MAP2K3: variants seen among roughly 807,000 people sequenced by gnomAD.
MAP2K3 encodes the protein dual specificity mitogen-activated protein kinase kinase 3.
In MAP2K3, 30 loss-of-function variants were observed where a neutral mutation model predicts 46.4. That is an observed-to-expected ratio of 0.65 (90% CI 0.48 to 0.88). MAP2K3 has a LOEUF of 0.88. Among genes scored for constraint, MAP2K3 ranks in the 40% least tolerant of loss-of-function variants. The probability of loss-of-function intolerance (pLI) is 0.00; values close to 1 mark genes in which losing one functional copy is unlikely to be tolerated. For missense variants in MAP2K3, 380 were observed against 464.5 expected, an observed-to-expected ratio of 0.82 and a Z score of 1.67; for synonymous variants, 189 against 176.3, an observed-to-expected ratio of 1.07 and a Z score of -0.57.
At chr17:21,292,138 G>T (rs1258341554) in intron 1 of MAP2K3, among the ~76,000 whole-genome samples, 2 of 152,312 alleles carry the variant, frequency 1.3e-5, no homozygotes, top group African/African-American at 2.4e-5. Flanking sequence ...AGTCTCTGGG[G>T]CACCCTCCAG....
In MAP2K3 at chr17:21,302,200, A is replaced by G. The variant is rs1390715738; in HGVS notation, c.457A>G (p.Lys153Glu). 6.3e-7 allele frequency: 1 copy of G among 1,594,846 alleles called. No homozygotes were observed. The highest frequency in any genetic ancestry group is 1.1e-5 in the South Asian group (1 of 90,862). ...MDTSLDKFYR[K>E]VLDKNMTIPE... ...CACATCCTTGGACAAGTTCTACCGG[A>G]AGGTGCTGGATAAAAACATGACAAT... is the stretch of plus-strand genomic sequence containing the variant. Residue 153 changes from lysine (K) to glutamate (E), a missense_variant, in exon 6 of 12, where the codon AAG (lysine) becomes GAG (glutamate). Coordinates refer to ENST00000342679, the MANE Select transcript of MAP2K3 (RefSeq NM_145109.3).
chr17:21,296,493 C>T (rs370790827), intron 1 of MAP2K3, among the ~76,000 whole-genome samples: 708 of 152,112 alleles, frequency 4.7e-3, no homozygotes, highest in African/African-American at 0.016. Context: ...CCCCTCCTTC[C>T]GCCTCAGGGA....
intron 5 of MAP2K3, 70 bp downstream of exon 5, chr17:21,301,063 C>T (rs1976572342): frequency 6.2e-7 from 1 of 1,611,504 alleles, no homozygotes; most frequent in Non-Finnish European, 8.5e-7. Flanking sequence ...CCCACTGTCA[C>T]TCAGTCCCTC....
intron 1 of MAP2K3, chr17:21,296,269 G>C (rs1976244633): frequency 1.8e-6 from 2 of 1,093,616 alleles, no homozygotes; most frequent in Non-Finnish European, 2.5e-6. Context: ...GTGCAGAGGA[G>C]GGCACCATGC....
Position 21,302,164 on chromosome 17 carries a change from G to A in MAP2K3, c.421G>A (p.Glu141Lys), listed in dbSNP as rs1260172726. Residue 141 changes from glutamate (E) to lysine (K), a missense_variant, in exon 6 of 12, where the codon GAG becomes AAG. Transcript: ENST00000342679. ...FREGDVWICM[E>K]LMDTSLDKFY... ...ACAGGGAGACGTGTGGATCTGCATG[G>A]AGCTCATGGACACATCCTTGGACAA... 8.1e-6 allele frequency: 13 copies of A among 1,614,152 alleles called. No individual in the cohort carries two copies. The highest frequency in any genetic ancestry group is 1.7e-5 in the Admixed American group (1 of 60,016).
In MAP2K3 at chr17:21,291,136, C is replaced by T. The variant is rs531344575; in HGVS notation, c.49+6167C>T. Among the ~76,000 whole-genome samples, 14 of 152,402 alleles carry T rather than the reference C, an allele frequency of 9.2e-5. No homozygotes were observed. In the South Asian group the frequency reaches 1.7e-3, roughly 18 times the overall value. On this transcript the variant is annotated intron_variant, in intron 1 of 11. Transcript: ENST00000342679. Reference sequence around the variant, plus strand: ...GCAGGTGTCTGTAGTCCCAGCTACTCGGGAGGCTGAGGCAGGAGAATGGCA... The same window carrying T: ...GCAGGTGTCTGTAGTCCCAGCTACTTGGGAGGCTGAGGCAGGAGAATGGCA...
chr17:21,296,819 C>T (rs867213693), intron 1 of MAP2K3, among the ~76,000 whole-genome samples: 15 of 152,296 alleles, frequency 9.8e-5, no homozygotes, highest in Admixed American at 8.5e-4. Flanking sequence ...GAGATAAAAA[C>T]GCTGCGCACA....
intron 1 of MAP2K3, 88 bp downstream of exon 1, chr17:21,285,057 CATCCT>C: frequency 6.6e-7 from 1 of 1,508,604 alleles, no homozygotes; most frequent in Non-Finnish European, 9.0e-7. Context: ...GGTCCCACCC[CATCCT>C]GTTCTCGACC....
At chr17:21,287,540 T>C (rs1975755007) in intron 1 of MAP2K3, among the ~76,000 whole-genome samples, 2 of 152,204 alleles carry the variant, frequency 1.3e-5, no homozygotes, top group Admixed American at 6.5e-5. Flanking sequence ...CTGCACTGTT[T>C]CCATGCCATG....
intron 1 of MAP2K3, among the ~76,000 whole-genome samples, chr17:21,288,764 G>A (rs1013943360): frequency 6.6e-6 from 1 of 152,232 alleles, no homozygotes; most frequent in Non-Finnish European, 1.5e-5. Context: ...TCAGGCACAA[G>A]TCATAGTGAG....
In MAP2K3 at chr17:21,314,353, G is replaced by A. The variant is rs554542643; in HGVS notation, c.*123G>A. On this transcript the variant is annotated 3_prime_UTR_variant, in exon 12 of 12. Coordinates refer to ENST00000342679, the MANE Select transcript of MAP2K3 (RefSeq NM_145109.3). ...CCAGGGCATCTGGGAGGAACCGAGG[G>A]GGCTGCTCCCACCTGGCTCTGTGGC... 7.1e-5 allele frequency: 63 copies of A among 881,282 alleles called. No individual in the cohort carries two copies. The African/African-American group carries it at 9.7e-4, about 14-fold the overall frequency. 54.6% of individuals were successfully genotyped at this position (881,282 alleles called of 1,614,324 possible).
chr17:21,302,899 G>A (rs1277818867), intron 6 of MAP2K3, among the ~76,000 whole-genome samples: 3 of 152,310 alleles, frequency 2.0e-5, no homozygotes, highest in Non-Finnish European at 4.4e-5. Context: ...CCAAGAGCTG[G>A]GTTTTACCCA....
chr17:21,296,344 G>C (rs1369800902), intron 1 of MAP2K3: 4 of 487,018 alleles, frequency 8.2e-6, no homozygotes, highest in African/African-American at 6.5e-5. Flanking sequence ...CAGAAGTTCA[G>C]AGACTTTGGC....
chr17:21,296,069 T>G, intron 1 of MAP2K3: 1 of 1,289,098 alleles, frequency 7.8e-7, no homozygotes, highest in Non-Finnish European at 1.0e-6. Flanking sequence ...GGGCAGTTTT[T>G]TTTTTCACCT....
In MAP2K3 at chr17:21,295,800, G is replaced by C. The variant is rs752811425; in HGVS notation, c.50-2613G>C. Reference sequence around the variant, plus strand: ...GAAACTGAGGCTTGGTGAAGGGGGGGCCACATGATACAACATTCCCAAATC... The same window carrying C: ...GAAACTGAGGCTTGGTGAAGGGGGGCCCACATGATACAACATTCCCAAATC... On this transcript the variant is annotated intron_variant, in intron 1 of 11. Coordinates refer to ENST00000342679, the MANE Select transcript of MAP2K3 (RefSeq NM_145109.3). The C allele has an allele frequency of 3.9e-6, 5 of 1,283,776 alleles. No homozygotes were observed. The South Asian group carries it at 5.0e-5, about 13-fold the overall frequency. The allele number at this position is 1,283,776 out of a possible 1,614,324, so 79.5% of individuals were successfully genotyped here. A position where few individuals can be genotyped will look rare whatever the true frequency, so the allele number is the denominator to read the frequency against.
At chr17:21,310,950 C>T (rs73982793) in intron 9 of MAP2K3, among the ~76,000 whole-genome samples, 4 of 152,340 alleles carry the variant, frequency 2.6e-5, no homozygotes, top group South Asian at 2.1e-4. Context: ...GGTCCTTCTC[C>T]TGTAGCTCGT....
intron 3 of MAP2K3, 56 bp from the exon 4 acceptor site, chr17:21,300,489 G>T: frequency 6.5e-7 from 1 of 1,542,002 alleles, no homozygotes; most frequent in Non-Finnish European, 8.8e-7. Flanking sequence ...ACTGGGCATG[G>T]GGTGAGGACT....
At chr17:21,296,274 C>G (rs953674221) in intron 1 of MAP2K3, 31 of 1,071,064 alleles carry the variant, frequency 2.9e-5, no homozygotes, top group Non-Finnish European at 3.7e-5. Flanking sequence ...GAGGAGGGCA[C>G]CATGCCAGGG....
intron 6 of MAP2K3, 119 bp from the exon 7 acceptor site, chr17:21,303,064 C>A: frequency 7.5e-7 from 1 of 1,340,298 alleles, no homozygotes; most frequent in Non-Finnish European, 1.0e-6. Context: ...GGGTGCGTAG[C>A]CTGTGCAGCG....
Sources: gnomAD v4.1 joint callset for allele counts (sites outside exome capture counted in the v4.1 genomes callset) on GRCh38, gnomAD v4.1.1 for gene constraint, MANE v1.5 for transcripts, NCBI Gene and HGNC (gene_info 2026-07-23, HGNC 2026-07-21) for gene names.